C8orf33: variants seen among roughly 807,000 people sequenced by gnomAD.
C8orf33 encodes chromosome 8 open reading frame 33.
In C8orf33, 28 loss-of-function variants were observed where a neutral mutation model predicts 25.7. That is an observed-to-expected ratio of 1.09 (90% confidence interval 0.81 to 1.49). The LOEUF (loss-of-function observed/expected upper bound fraction) is 1.49. C8orf33 is among the 40% of genes most tolerant of loss of function. The pLI is 0.00. For synonymous variants in C8orf33, 153 were observed against 115.9 expected, an observed-to-expected ratio of 1.32 and a Z score of -2.06; for missense variants, 369 against 294.4, an observed-to-expected ratio of 1.25 and a Z score of -1.85.
At position 145,052,909 on chromosome 8, in the gene C8orf33, C is replaced by T. The variant is rs1835299115; in HGVS notation, c.318+12C>T. The T allele has an allele frequency of 6.2e-7, 1 of 1,608,010 alleles. No individual in the cohort carries two copies. On this transcript the variant is annotated intron_variant, in intron 2 of 4. Coordinates refer to ENST00000331434, the MANE Select transcript of C8orf33 (RefSeq NM_023080.3). ...GCGCTGAGGCCCAGGCAAGGGCGGG[C>T]TTCGGTCGGGAAGGGTGGAATCCAC...
At position 145,055,798 on chromosome 8, in the gene C8orf33, G is replaced by GTT. The variant is rs1835356127; in HGVS notation, c.*1642_*1643insTT. The GTT allele has an allele frequency of 6.5e-6, 1 of 154,596 alleles. No individual in the cohort carries two copies. 9.6% of individuals were successfully genotyped at this position (154,596 alleles called of 1,614,324 possible). ...ATATGCAGAAATAATGGCATAAGCT[G>GTT]TCTCTCTCTCTTCTCTCTCTCTCTG... On this transcript the variant is annotated 3_prime_UTR_variant, in exon 5 of 5. Transcript: ENST00000331434.
chr8:145,052,694 TC>T lies in C8orf33; in HGVS notation c.117del (p.Thr40LeufsTer62). On this transcript the variant is annotated frameshift_variant, in exon 2 of 5. Transcript: ENST00000331434. LOFTEE classifies it high-confidence loss of function. ...CCCAGTTTCCAGCGCCCGGAATCCT[TC>T]CACTGTCTGTCTCTGCCCAGAGCAA... ...PGPVSSARNP[S>X]TVCLCPEQPT... 2 of 1,613,942 alleles carry T rather than the reference TC, an allele frequency of 1.2e-6. No homozygotes were observed. Among genetic ancestry groups the T allele is most frequent in the African/African-American group, 2.7e-5 (2 of 75,006 alleles).
At position 145,052,843 on chromosome 8, in the gene C8orf33, G is replaced by A. The variant is rs766154395; in HGVS notation, c.264G>A (p.Glu88=). 17 of 1,613,810 alleles carry A rather than the reference G, an allele frequency of 1.1e-5. No individual in the cohort carries two copies. The highest frequency in any genetic ancestry group is 1.4e-5 in the Non-Finnish European group (17 of 1,180,000). The change falls in exon 2 of 5, where the codon GAG becomes GAA. Residue 88 remains glutamate, a synonymous_variant. Coordinates refer to ENST00000331434, the MANE Select transcript of C8orf33 (RefSeq NM_023080.3). ...GGGCCTCTGTGGCAAATGGAGGCGAGAAGGCCTCAGAGAAACTCGCCCCAG... is the reference window on the plus strand; with the variant it reads ...GGGCCTCTGTGGCAAATGGAGGCGAAAAGGCCTCAGAGAAACTCGCCCCAG... ...RNRASVANGG[E]KASEKLAPEE...
intron 1 of C8orf33, 30 bp downstream of exon 1, chr8:145,052,527 G>A (rs559199391): frequency 5.6e-6 from 9 of 1,600,376 alleles, no homozygotes; most frequent in South Asian, 1.1e-5. Flanking sequence ...CGCGCGGGTG[G>A]CTGGGCCTTG....
intron 4 of C8orf33, 150 bp from the exon 5 acceptor site, chr8:145,053,868 G>A: frequency 1.0e-6 from 1 of 976,112 alleles, no homozygotes. Context: ...CTCTAAGTGG[G>A]GGATGATAGT....
rs137890319 is a variant in C8orf33, at chr8:145,053,334, C to G, written c.441C>G (p.Ser147Arg). The change falls in exon 4 of 5, where the codon AGC becomes AGG. Residue 147 changes from serine (S) to arginine (R), a missense_variant. Transcript: ENST00000331434. The stretch of plus-strand genomic sequence containing the variant: ...TTGGAGCAATCCGAACCCTGCGCAG[C>G]AAAAGAACGCCCTTGCCCCGGAAGA... ...QAIGAIRTLRSKRTPLPRKRQ... is the reference protein window; with the variant it reads ...QAIGAIRTLRRKRTPLPRKRQ... The G allele has an allele frequency of 1.2e-6, 2 of 1,614,226 alleles. No homozygotes were observed. The highest frequency in any genetic ancestry group is 3.3e-5 in the Admixed American group (2 of 60,032).
chr8:145,053,445 TGAG>T lies in C8orf33; in HGVS notation c.550+6_550+8del, dbSNP rs1563954698. 8 of 1,613,606 alleles carry T rather than the reference TGAG, an allele frequency of 5.0e-6. No homozygotes were observed. Among genetic ancestry groups the T allele is most frequent in the African/African-American group, 1.3e-5 (1 of 74,858 alleles). ...AGGCCCTGCGGGCTCTCAGAGCTGG[TGAG>T]GAGCTAGCCACTGGTTGATTCAGGA... is the stretch of plus-strand genomic sequence containing the variant. On this transcript the variant is annotated splice_donor_5th_base_variant and intron_variant, in intron 4 of 4. Coordinates refer to ENST00000331434, the MANE Select transcript of C8orf33 (RefSeq NM_023080.3).
In C8orf33 at chr8:145,055,916, C is replaced by A; in HGVS notation, c.*1759C>A. ...ATTGGAGATGGTTCACATTCCTTAC[C>A]CTGCCCCTTTGTCTTATATCCAATA... On this transcript the variant is annotated 3_prime_UTR_variant, in exon 5 of 5. Transcript: ENST00000331434. The A allele has an allele frequency of 5.3e-6, 1 of 188,616 alleles. No homozygotes were observed. Among genetic ancestry groups the A allele is most frequent in the South Asian group, 1.1e-4 (1 of 8,910 alleles). 11.7% of individuals were successfully genotyped at this position (188,616 alleles called of 1,614,324 possible).
At chr8:145,053,974 T>G in intron 4 of C8orf33, 44 bp from the exon 5 acceptor site, 1 of 1,599,368 alleles carries the variant, frequency 6.3e-7, no homozygotes. Flanking sequence ...TAATGTTAAT[T>G]GTTATTATTC....
chr8:145,054,091 C>T lies in C8orf33; in HGVS notation c.624C>T (p.Arg208=). The change falls in exon 5 of 5, where the codon CGC becomes CGT. Residue 208 remains arginine, a synonymous_variant. Transcript: ENST00000331434. ...RKKSQRVCRP[R]SIWRAKATLD... ...AGAGCCAAAGGGTCTGCAGGCCTCG[C>T]TCTATATGGAGAGCCAAAGCCACTC... 1.2e-6 allele frequency: 2 copies of T among 1,614,212 alleles called. No individual in the cohort carries two copies. Among genetic ancestry groups the T allele is most frequent in the Admixed American group, 1.7e-5 (1 of 60,028 alleles).
chr8:145,054,574 A>C lies in C8orf33; in HGVS notation c.*417A>C, dbSNP rs1835330826. On this transcript the variant is annotated 3_prime_UTR_variant, in exon 5 of 5. Coordinates refer to ENST00000331434, the MANE Select transcript of C8orf33 (RefSeq NM_023080.3). The stretch of plus-strand genomic sequence containing the variant: ...AAATGGTTTAGTGCTTAATGCTGTT[A>C]TGTCATATTGCCCTAATCTCTATTT... 6.1e-6 allele frequency: 1 copy of C among 163,816 alleles called. No individual in the cohort carries two copies. Among genetic ancestry groups the C allele is most frequent in the Non-Finnish European group, 1.3e-5 (1 of 75,342 alleles). 10.1% of individuals were successfully genotyped at this position (163,816 alleles called of 1,614,324 possible). A position where few individuals can be genotyped will look rare whatever the true frequency, so the allele number is the denominator to read the frequency against.
chr8:145,053,529 A>AC, intron 4 of C8orf33, 86 bp downstream of exon 4: 1 of 1,404,798 alleles, frequency 7.1e-7, no homozygotes, highest in Admixed American at 2.1e-5. Flanking sequence ...GCCCAGAGCA[A>AC]CAAGCCTGGT....
At position 145,054,688 on chromosome 8, in the gene C8orf33, T is replaced by G. The variant is rs1049110131; in HGVS notation, c.*531T>G. On this transcript the variant is annotated 3_prime_UTR_variant, in exon 5 of 5. Coordinates refer to ENST00000331434, the MANE Select transcript of C8orf33 (RefSeq NM_023080.3). ...GATGCAGGGGTGTGGTATCCCTGGG[T>G]CCAGTCCCTCACCTGGTACCTTTGT... The G allele has an allele frequency of 6.5e-6, 1 of 153,224 alleles. No homozygotes were observed. The highest frequency in any genetic ancestry group is 6.5e-5 in the Admixed American group (1 of 15,342). The allele number at this position is 153,224 out of a possible 1,614,324, so 9.5% of individuals were successfully genotyped here.
At position 145,054,004 on chromosome 8, in the gene C8orf33, T is replaced by A. The variant is rs370194935; in HGVS notation, c.551-14T>A. ...TTATTCAGTTCTGACATACGCTGCT[T>A]CTCTCCCCGACAGCTGCTTATTCAG... On this transcript the variant is annotated splice_polypyrimidine_tract_variant and intron_variant, in intron 4 of 4. Coordinates refer to ENST00000331434, the MANE Select transcript of C8orf33 (RefSeq NM_023080.3). 5.0e-6 allele frequency: 8 copies of A among 1,612,764 alleles called. No homozygotes were observed. Among genetic ancestry groups the A allele is most frequent in the Non-Finnish European group, 6.8e-6 (8 of 1,179,852 alleles).
In C8orf33 at chr8:145,053,088, T is replaced by G; in HGVS notation, c.345T>G (p.Ala115=). 1.2e-6 allele frequency: 2 copies of G among 1,614,124 alleles called. No homozygotes were observed. Reference sequence around the variant, plus strand: ...CACAACAGTTGGCCCAGGAATTGGCTTGGTGTGTGGAGCAACTGGAGCTGG... The same window carrying G: ...CACAACAGTTGGCCCAGGAATTGGCGTGGTGTGTGGAGCAACTGGAGCTGG... ...AQAQQLAQEL[A]WCVEQLELGL... The change falls in exon 3 of 5, where the codon GCT becomes GCG. Residue 115 remains alanine (A), a synonymous_variant. Transcript: ENST00000331434.
In C8orf33 at chr8:145,055,379, T is replaced by C. The variant is rs62530105; in HGVS notation, c.*1222T>C. The C allele has an allele frequency of 0.017, 2,527 of 152,618 alleles. 37 individuals carry two copies. Among genetic ancestry groups the C allele is most frequent in the Middle Eastern group, 0.034 (10 of 294 alleles). The allele number at this position is 152,618 out of a possible 1,614,324, so 9.5% of individuals were successfully genotyped here. On this transcript the variant is annotated 3_prime_UTR_variant, in exon 5 of 5. Transcript: ENST00000331434. ...GGAGCCGAGGGGACATAGTGCGAAGTGGCCAGAAGACAAGAGTGTGAGCCT... is the reference window on the plus strand; with the variant it reads ...GGAGCCGAGGGGACATAGTGCGAAGCGGCCAGAAGACAAGAGTGTGAGCCT...
At position 145,054,127 on chromosome 8, in the gene C8orf33, T is replaced by C. The variant is rs772490399; in HGVS notation, c.660T>C (p.Pro220=). The change falls in exon 5 of 5, where the codon CCT becomes CCC. Residue 220 remains proline (P), a synonymous_variant. Transcript: ENST00000331434. The stretch of plus-strand genomic sequence containing the variant: ...GAGCCAAAGCCACTCTGGACATGCC[T>C]GATGAAGAGTTTAGGTTCAATTTCT... ...IWRAKATLDM[P]DEEFRFNFF is the part of the protein sequence containing the mutation. 6.2e-7 allele frequency: 1 copy of C among 1,614,156 alleles called. No individual in the cohort carries two copies. Among genetic ancestry groups the C allele is most frequent in the Admixed American group, 1.7e-5 (1 of 60,018 alleles).
rs762203508 is a variant in C8orf33 at position 145,054,013 on chromosome 8, G to A, written c.551-5G>A. 34 of 1,613,234 alleles carry A rather than the reference G, an allele frequency of 2.1e-5. No homozygotes were observed. In the South Asian group the frequency reaches 3.1e-4, roughly 15 times the overall value. On this transcript the variant is annotated splice_polypyrimidine_tract_variant and splice_region_variant and intron_variant, in intron 4 of 4. Coordinates refer to ENST00000331434, the MANE Select transcript of C8orf33 (RefSeq NM_023080.3). ...TCTGACATACGCTGCTTCTCTCCCC[G>A]ACAGCTGCTTATTCAGCCCAGGTGC... is the stretch of plus-strand genomic sequence containing the variant.
Position 145,052,867 on chromosome 8 carries a change from A to C in C8orf33, c.288A>C (p.Pro96=). ...GGEKASEKLA[P]EEVPLSAEAQ... ...AGAAGGCCTCAGAGAAACTCGCCCCAGAAGAAGTTCCCCTAAGCGCTGAGG... is the reference window on the plus strand; with the variant it reads ...AGAAGGCCTCAGAGAAACTCGCCCCCGAAGAAGTTCCCCTAAGCGCTGAGG... Residue 96 remains proline, a synonymous_variant, in exon 2 of 5, where the codon CCA becomes CCC. Coordinates refer to ENST00000331434, the MANE Select transcript of C8orf33 (RefSeq NM_023080.3). The C allele has an allele frequency of 6.2e-7, 1 of 1,610,034 alleles. No homozygotes were observed. Among genetic ancestry groups the C allele is most frequent in the Non-Finnish European group, 8.5e-7 (1 of 1,178,258 alleles).
Sources: gnomAD v4.1 joint callset for allele counts on GRCh38, gnomAD v4.1.1 for gene constraint, MANE v1.5 for transcripts, NCBI Gene and HGNC (gene_info 2026-07-23, HGNC 2026-07-21) for gene names.